Variants in ATP8A2 observed in about 807,000 individuals in gnomAD.
The protein encoded by ATP8A2 is phospholipid-transporting ATPase IB.
ATP8A2 carries 100 observed loss-of-function variants against 165.6 expected under a neutral mutation model. The observed-to-expected ratio is 0.60, with a 90% CI of 0.51 to 0.71. The LOEUF is 0.71. Among genes scored for constraint, ATP8A2 ranks in the 30% least tolerant of loss-of-function variants. ATP8A2 has a pLI of 0.00. For missense variants in ATP8A2, 1,227 were observed against 1,479.5 expected, an observed-to-expected ratio of 0.83 and a Z score of 2.80; for synonymous variants, 543 against 548.8, an observed-to-expected ratio of 0.99 and a Z score of 0.15.
intron 27 of ATP8A2, among the ~76,000 whole-genome samples, chr13:25,780,757 G>A (rs111555336): frequency 0.033 from 5,079 of 151,906 alleles, 121 homozygotes; most frequent in Non-Finnish European, 0.052. Context: ...CCTTGCATGC[G>A]TGTTTTACAA....
intron 33 of ATP8A2, among the ~76,000 whole-genome samples, chr13:25,922,522 T>A (rs1225551851): frequency 6.6e-6 from 1 of 152,176 alleles, no homozygotes; most frequent in Non-Finnish European, 1.5e-5. Flanking sequence ...GGGACATCTG[T>A]TTCCAGTCAG....
At chr13:25,739,457 T>C (rs532365076) in intron 25 of ATP8A2, among the ~76,000 whole-genome samples, 63 of 152,360 alleles carry the variant, frequency 4.1e-4, no homozygotes, top group Non-Finnish European at 8.1e-4. Flanking sequence ...CTAAGTCAAC[T>C]GAGAGAAGAG....
intron 24 of ATP8A2, among the ~76,000 whole-genome samples, chr13:25,674,922 T>C (rs2137772220): frequency 6.6e-6 from 1 of 152,326 alleles, no homozygotes; most frequent in East Asian, 1.9e-4. Context: ...GGTTTGCTGG[T>C]CGTGCTACTG....
At chr13:25,845,958 C>A (rs745885944) in intron 30 of ATP8A2, among the ~76,000 whole-genome samples, 1 of 152,072 alleles carries the variant, frequency 6.6e-6, no homozygotes, top group Non-Finnish European at 1.5e-5. Context: ...GGCAGATCAC[C>A]TGAGGTCAGG....
intron 1 of ATP8A2, among the ~76,000 whole-genome samples, chr13:25,435,293 G>A (rs138327531): frequency 0.015 from 2,310 of 151,946 alleles, 60 homozygotes; most frequent in African/African-American, 0.053. Context: ...GCTAATTTTT[G>A]TATTTTTAGT....
In ATP8A2 at chr13:25,442,436, C is replaced by T. The variant is rs545592806; in HGVS notation, c.77-26541C>T. ...ATTTTCTGTTTGTTTTTCTTTTTGA[C>T]AGAGTCTTGCTCTGTCACCCACGTT... On this transcript the variant is annotated intron_variant, in intron 1 of 36. Transcript: ENST00000381655. 2.0e-5 allele frequency among the ~76,000 whole-genome samples: 3 copies of T among 152,292 alleles called. No individual in the cohort carries two copies. The South Asian group carries it at 6.2e-4, about 32-fold the overall frequency.
intron 27 of ATP8A2, among the ~76,000 whole-genome samples, chr13:25,806,724 G>A (rs1027771149): frequency 2.6e-5 from 4 of 152,028 alleles, no homozygotes; most frequent in Non-Finnish European, 4.4e-5. Context: ...TAATGATAAC[G>A]CTATCTTTAA....
intron 10 of ATP8A2, among the ~76,000 whole-genome samples, chr13:25,543,942 T>C (rs1160505534): frequency 6.6e-6 from 1 of 152,256 alleles, no homozygotes; most frequent in African/African-American, 2.4e-5. Context: ...AGACACCTTT[T>C]GAAATTCTAC....
chr13:25,886,768 C>T (rs142012615), intron 33 of ATP8A2, among the ~76,000 whole-genome samples: 2 of 152,146 alleles, frequency 1.3e-5, no homozygotes, highest in African/African-American at 2.4e-5. Context: ...CCAGAGGGAG[C>T]GCCAGAGATT....
At chr13:25,760,175 A>C (rs949691161) in intron 25 of ATP8A2, among the ~76,000 whole-genome samples, 1 of 152,194 alleles carries the variant, frequency 6.6e-6, no homozygotes, top group African/African-American at 2.4e-5. Context: ...TTCAGTTAAT[A>C]AAGAATATCA....
chr13:26,018,165 G>C (rs762321655), intron 36 of ATP8A2, among the ~76,000 whole-genome samples: 1 of 152,138 alleles, frequency 6.6e-6, no homozygotes, highest in Non-Finnish European at 1.5e-5. Context: ...TGCCTCCCCC[G>C]ATAACCCCCC....
At chr13:25,996,065 C>A (rs1163289554) in intron 35 of ATP8A2, among the ~76,000 whole-genome samples, 2 of 152,062 alleles carry the variant, frequency 1.3e-5, no homozygotes, top group African/African-American at 2.4e-5. Flanking sequence ...GCTCTAAAGA[C>A]CACTTTATCT....
intron 33 of ATP8A2, among the ~76,000 whole-genome samples, chr13:25,883,758 GAGAAAA>G (rs1406848398): frequency 6.6e-6 from 1 of 152,296 alleles, no homozygotes; most frequent in East Asian, 1.9e-4. Context: ...GGTAAAACCA[GAGAAAA>G]CCTCACCACC....
intron 33 of ATP8A2, among the ~76,000 whole-genome samples, chr13:25,895,913 TTCTTCTC>T (rs1272447251): frequency 6.6e-6 from 1 of 152,096 alleles, no homozygotes; most frequent in Non-Finnish European, 1.5e-5. Flanking sequence ...ATCCATTTGA[TTCTTCTC>T]TCTCTTCTTC....
intron 18 of ATP8A2, among the ~76,000 whole-genome samples, chr13:25,573,759 T>C (rs1388947179): frequency 1.3e-5 from 2 of 151,988 alleles, no homozygotes; most frequent in African/African-American, 2.4e-5. Flanking sequence ...TGATGGAAAG[T>C]TAGGACAGGC....
intron 24 of ATP8A2, among the ~76,000 whole-genome samples, chr13:25,639,669 C>T (rs1447979959): frequency 1.3e-5 from 2 of 152,124 alleles, no homozygotes. Context: ...CTTTAATACC[C>T]CACTGTCAAC....
At chr13:25,448,623 C>T (rs1352701906) in intron 1 of ATP8A2, among the ~76,000 whole-genome samples, 1 of 152,028 alleles carries the variant, frequency 6.6e-6, no homozygotes, top group Non-Finnish European at 1.5e-5. Flanking sequence ...CTCATGAAGA[C>T]AGAGGATAAT....
intron 1 of ATP8A2, among the ~76,000 whole-genome samples, chr13:25,436,065 A>G (rs980624336): frequency 1.4e-5 from 2 of 147,758 alleles, no homozygotes; most frequent in Non-Finnish European, 3.0e-5. Context: ...ATAAAGCTTC[A>G]TCTTTTTTTT....
At position 26,021,917 on chromosome 13, in the gene ATP8A2, G is replaced by GAAAT. The variant is rs1361133953; in HGVS notation, c.*1933_*1936dup. On this transcript the variant is annotated 3_prime_UTR_variant, in exon 37 of 37. Coordinates refer to ENST00000381655, the MANE Select transcript of ATP8A2 (RefSeq NM_016529.6). Reference sequence around the variant, plus strand: ...AGAAATCTACAACCTACTGGGCATGGAAATGATTTAAAATATGATCTGCAT... The same window carrying GAAAT: ...AGAAATCTACAACCTACTGGGCATGGAAATAAATGATTTAAAATATGATCTGCAT... The GAAAT allele has an allele frequency of 6.6e-6, 1 of 152,128 alleles. No homozygotes were observed. Among genetic ancestry groups the GAAAT allele is most frequent in the African/African-American group, 2.4e-5 (1 of 41,408 alleles). The allele number at this position is 152,128 out of a possible 1,614,324, so 9.4% of individuals were successfully genotyped here. A position where few individuals can be genotyped will look rare whatever the true frequency, so the allele number is the denominator to read the frequency against.
Sources: gnomAD v4.1 joint callset for allele counts (sites outside exome capture counted in the v4.1 genomes callset) on GRCh38, gnomAD v4.1.1 for gene constraint, MANE v1.5 for transcripts, NCBI Gene and HGNC (gene_info 2026-07-23, HGNC 2026-07-21) for gene names.